SLC25A32: variants seen among roughly 807,000 people sequenced by gnomAD.
SLC25A32 encodes solute carrier family 25 member 32.
SLC25A32 carries 32 observed loss-of-function variants against 39.0 expected under a neutral mutation model. That is an observed-to-expected ratio of 0.82 (90% CI 0.62 to 1.10). SLC25A32 has a LOEUF of 1.10. Ranked by LOEUF, SLC25A32 falls within the 50% of genes least tolerant of loss-of-function variation. SLC25A32 has a pLI of 0.00. For missense variants in SLC25A32, 367 were observed against 395.3 expected, an observed-to-expected ratio of 0.93 and a Z score of 0.61; for synonymous variants, 166 against 152.4, an observed-to-expected ratio of 1.09 and a Z score of -0.66.
Position 103,400,367 on chromosome 8 carries a change from T to G in SLC25A32, c.*44A>C. The G allele has an allele frequency of 6.2e-7, 1 of 1,608,032 alleles. No individual in the cohort carries two copies. Among genetic ancestry groups the G allele is most frequent in the Non-Finnish European group, 8.5e-7 (1 of 1,177,224 alleles). On this transcript the variant is annotated 3_prime_UTR_variant, in exon 7 of 7. Transcript: ENST00000297578. ...TTTATGCCTTAAACACAAAAGAGCT[T>G]GTTGCTGCCTTGGGCAGATATACTG...
chr8:103,401,473 G>C, intron 6 of SLC25A32, 43 bp downstream of exon 6: 2 of 1,584,978 alleles, frequency 1.3e-6, no homozygotes, highest in South Asian at 1.2e-5. Context: ...AGATATGCAA[G>C]GTACCTTGTC....
intron 1 of SLC25A32, among the ~76,000 whole-genome samples, chr8:103,412,192 T>C (rs1225516846): frequency 6.6e-6 from 1 of 152,254 alleles, no homozygotes; most frequent in African/African-American, 2.4e-5. Context: ...TGCTACTGGG[T>C]CTTGCGATAC....
At chr8:103,406,185 C>T (rs1188358729) in intron 2 of SLC25A32, among the ~76,000 whole-genome samples, 3 of 151,762 alleles carry the variant, frequency 2.0e-5, no homozygotes, top group Admixed American at 1.3e-4. Flanking sequence ...GTTTCACACA[C>T]ACCTCTCTAA....
intron 1 of SLC25A32, among the ~76,000 whole-genome samples, chr8:103,411,421 G>T (rs963826355): frequency 1.3e-5 from 2 of 151,596 alleles, no homozygotes; most frequent in Non-Finnish European, 2.9e-5. Flanking sequence ...CCTGGCCCCC[G>T]AGACAATCTC....
In SLC25A32 at chr8:103,415,081, G is replaced by A; in HGVS notation, c.-144C>T. Reference sequence around the variant, plus strand: ...GAGAGGACTCTTATGCCCAAGGCGCGTGAGCGAAGCCGGAGACTCTAGTAC... The same window carrying A: ...GAGAGGACTCTTATGCCCAAGGCGCATGAGCGAAGCCGGAGACTCTAGTAC... On this transcript the variant is annotated 5_prime_UTR_variant, in exon 1 of 7. In the 5' UTR this introduces an upstream ATG that the reference lacks. Transcript: ENST00000297578. 6.2e-7 allele frequency: 1 copy of A among 1,609,562 alleles called. No homozygotes were observed. Among genetic ancestry groups the A allele is most frequent in the South Asian group, 1.1e-5 (1 of 90,842 alleles).
intron 1 of SLC25A32, among the ~76,000 whole-genome samples, chr8:103,412,357 T>C (rs1413668723): frequency 1.3e-5 from 2 of 152,236 alleles, no homozygotes; most frequent in Non-Finnish European, 2.9e-5. Context: ...TTGAGAAAAT[T>C]ACTATTTTTA....
Position 103,407,714 on chromosome 8 carries a change from A to T in SLC25A32, c.225T>A (p.Leu75=). ...CTTGATAAAGTCCCCGTAGTCCATC[A>T]AGTTTCCAAATGGTAGTCAAGCAAT... ...ILHCLTTIWK[L]DGLRGLYQGV... The change falls in exon 2 of 7, where the codon CTT becomes CTA. Residue 75 remains leucine, a synonymous_variant. Coordinates refer to ENST00000297578, the MANE Select transcript of SLC25A32 (RefSeq NM_030780.5). 6.2e-7 allele frequency: 1 copy of T among 1,613,304 alleles called. No homozygotes were observed. The highest frequency in any genetic ancestry group is 8.5e-7 in the Non-Finnish European group (1 of 1,179,564).
intron 5 of SLC25A32, 76 bp from the exon 6 acceptor site, chr8:103,401,737 A>G: frequency 2.3e-6 from 3 of 1,281,280 alleles, no homozygotes; most frequent in Non-Finnish European, 3.2e-6. Context: ...ATTATATACA[A>G]AAAACATTTA....
At position 103,414,921 on chromosome 8, in the gene SLC25A32, T is replaced by C; in HGVS notation, c.17A>G (p.Gln6Arg). ...CCACGCCGACGACCCGGACGCCGAC[T>C]GGCCCTGGCCCGTCATAGGCTCGGG... is the stretch of plus-strand genomic sequence containing the variant. MTGQGQSASGSSAWST... is the reference protein window; with the variant it reads MTGQGRSASGSSAWST... The change falls in exon 1 of 7, where the codon CAG (glutamine) becomes CGG (arginine). Residue 6 changes from glutamine (Q) to arginine (R), a missense_variant. Coordinates refer to ENST00000297578, the MANE Select transcript of SLC25A32 (RefSeq NM_030780.5). The C allele has an allele frequency of 6.2e-7, 1 of 1,607,370 alleles. No homozygotes were observed. Among genetic ancestry groups the C allele is most frequent in the Non-Finnish European group, 8.5e-7 (1 of 1,177,374 alleles).
rs1454381445 is a variant in SLC25A32 at position 103,399,289 on chromosome 8, G to A, written c.*1122C>T. 6.6e-6 allele frequency: 1 copy of A among 152,156 alleles called. No individual in the cohort carries two copies. The highest frequency in any genetic ancestry group is 1.5e-5 in the Non-Finnish European group (1 of 68,030). 9.4% of individuals were successfully genotyped at this position (152,156 alleles called of 1,614,324 possible). On this transcript the variant is annotated 3_prime_UTR_variant, in exon 7 of 7. Coordinates refer to ENST00000297578, the MANE Select transcript of SLC25A32 (RefSeq NM_030780.5). ...AAACATTTCAGCATCTGTAAAAGGT[G>A]ATCTATTTAGCATCTGTAATAAGTG...
chr8:103,405,750 T>C (rs1351489704), intron 2 of SLC25A32, among the ~76,000 whole-genome samples: 1 of 152,078 alleles, frequency 6.6e-6, no homozygotes, highest in Non-Finnish European at 1.5e-5. Context: ...AACCTTGAAT[T>C]TCTAGGCTCA....
rs1202681731 is a variant in SLC25A32, at chr8:103,399,051, T to G, written c.*1360A>C. On this transcript the variant is annotated 3_prime_UTR_variant, in exon 7 of 7. Transcript: ENST00000297578. ...TTTACGATAAATAAAAATACTAGTA[T>G]TCTGGCATCCTTTGGGTACAGGCCC... The G allele has an allele frequency of 6.6e-6, 1 of 152,220 alleles. No individual in the cohort carries two copies. Among genetic ancestry groups the G allele is most frequent in the African/African-American group, 2.4e-5 (1 of 41,458 alleles). 9.4% of individuals were successfully genotyped at this position (152,220 alleles called of 1,614,324 possible).
chr8:103,403,569 G>A (rs1478789428), intron 3 of SLC25A32, among the ~76,000 whole-genome samples: 1 of 152,150 alleles, frequency 6.6e-6, no homozygotes, highest in Non-Finnish European at 1.5e-5. Flanking sequence ...AAAGGGAGAT[G>A]GAAATGTGAA....
rs150752934 is a variant in SLC25A32 at position 103,409,051 on chromosome 8, C to T, written c.155-1267G>A. ...AAAGCACATTCAAAATAGGGTAACTCTAGGGCATGAGGGGTAGTTAAAAGG... is the reference window on the plus strand; with the variant it reads ...AAAGCACATTCAAAATAGGGTAACTTTAGGGCATGAGGGGTAGTTAAAAGG... On this transcript the variant is annotated intron_variant, in intron 1 of 6. Coordinates refer to ENST00000297578, the MANE Select transcript of SLC25A32 (RefSeq NM_030780.5). Among the ~76,000 whole-genome samples, 337 of 152,238 alleles carry T rather than the reference C, an allele frequency of 2.2e-3. 5 individuals carry two copies. Among genetic ancestry groups the T allele is most frequent in the African/African-American group, 7.5e-3 (313 of 41,544 alleles).
chr8:103,400,607 G>T (rs986008938), intron 6 of SLC25A32, 61 bp from the exon 7 acceptor site: 1 of 1,559,300 alleles, frequency 6.4e-7, no homozygotes, highest in Non-Finnish European at 8.8e-7. Flanking sequence ...AAACACGGAA[G>T]TTCTAACTGA....
rs1816223321 is a variant in SLC25A32 at position 103,401,735 on chromosome 8, C to T, written c.667-74G>A. 9 of 1,315,186 alleles carry T rather than the reference C, an allele frequency of 6.8e-6. No homozygotes were observed. The Admixed American group carries it at 9.4e-5, about 14-fold the overall frequency. The allele number at this position is 1,315,186 out of a possible 1,614,324, so 81.5% of individuals were successfully genotyped here. ...AAAATACAGAAGTAAAAATTATATA[C>T]AAAAAACATTTAAATGGATCTTTAA... On this transcript the variant is annotated intron_variant, in intron 5 of 6. Coordinates refer to ENST00000297578, the MANE Select transcript of SLC25A32 (RefSeq NM_030780.5).
intron 3 of SLC25A32, among the ~76,000 whole-genome samples, chr8:103,404,089 T>A (rs1452581568): frequency 6.6e-6 from 1 of 152,222 alleles, no homozygotes; most frequent in Non-Finnish European, 1.5e-5. Context: ...CGGCTCTTAC[T>A]GTTTTTTCCT....
At chr8:103,403,397 A>G (rs1174767576) in intron 3 of SLC25A32, 73 bp from the exon 4 acceptor site, 5 of 706,172 alleles carry the variant, frequency 7.1e-6, no homozygotes, top group Non-Finnish European at 1.1e-5. Context: ...AATTAGAAAC[A>G]GTACATTTAT....
chr8:103,401,596 T>C lies in SLC25A32; in HGVS notation c.732A>G (p.Pro244=), dbSNP rs758926885. The C allele has an allele frequency of 1.2e-6, 2 of 1,613,788 alleles. No individual in the cohort carries two copies. The highest frequency in any genetic ancestry group is 8.5e-7 in the Non-Finnish European group (1 of 1,179,756). ...GAAGACGAGCTCTTACGACTTGATA[T>C]GGGTATGTTGCTGCGACAGCAAATA... The part of the protein sequence containing the change: ...SKIFAVAATY[P]YQVVRARLQD... The change falls in exon 6 of 7, where the codon CCA becomes CCG. Residue 244 remains proline, a synonymous_variant. Transcript: ENST00000297578.
Sources: gnomAD v4.1 joint callset for allele counts (sites outside exome capture counted in the v4.1 genomes callset) on GRCh38, gnomAD v4.1.1 for gene constraint, MANE v1.5 for transcripts, NCBI Gene and HGNC (gene_info 2026-07-23, HGNC 2026-07-21) for gene names.